Variants in CASKIN1 observed in about 807,000 individuals in gnomAD.
CASKIN1 encodes the protein CASK interacting protein 1.
Under a neutral mutation model 117.5 loss-of-function variants are expected in CASKIN1, and 42 were observed. That is an observed-to-expected ratio of 0.36 (90% CI 0.28 to 0.46). CASKIN1 has a LOEUF of 0.46. Ranked by LOEUF, CASKIN1 falls within the 20% of genes least tolerant of loss-of-function variation. The pLI, the probability that CASKIN1 is intolerant of heterozygous loss-of-function variation, is 1.00. For synonymous variants in CASKIN1, 1,148 were observed against 961.7 expected, an observed-to-expected ratio of 1.19 and a Z score of -3.59; for missense variants, 2,083 against 2,077.3, an observed-to-expected ratio of 1.00 and a Z score of -0.05.
At chr16:2,184,029 C>G in intron 14 of CASKIN1, 88 bp from the exon 15 acceptor site, 1 of 875,772 alleles carries the variant, frequency 1.1e-6, no homozygotes, top group Non-Finnish European at 1.7e-6. Flanking sequence ...GGCCGGCCAG[C>G]CGTGCAGCCA....
At chr16:2,192,097 G>C (rs960823858) in intron 1 of CASKIN1, among the ~76,000 whole-genome samples, 6 of 152,150 alleles carry the variant, frequency 3.9e-5, no homozygotes, top group Non-Finnish European at 5.9e-5. Context: ...TTCAAGACCA[G>C]CCTGGCCAAC....
Position 2,178,837 on chromosome 16 carries a change from T to G in CASKIN1, c.4199+65A>C, listed in dbSNP as rs929024775. 3.9e-6 allele frequency: 5 copies of G among 1,293,840 alleles called. No homozygotes were observed. The Admixed American group carries it at 1.5e-4, about 40-fold the overall frequency. 80.1% of individuals were successfully genotyped at this position (1,293,840 alleles called of 1,614,324 possible). On this transcript the variant is annotated intron_variant, in intron 19 of 19. Transcript: ENST00000343516. ...ATCTCTGCCGAGCCCCGCCCATCTCTGCCGAGCCCCGCCCATCTCTGCCGA... is the reference window on the plus strand; with the variant it reads ...ATCTCTGCCGAGCCCCGCCCATCTCGGCCGAGCCCCGCCCATCTCTGCCGA...
At position 2,180,750 on chromosome 16, in the gene CASKIN1, G is replaced by A. The variant is rs745478988; in HGVS notation, c.2618C>T (p.Pro873Leu). The change falls in exon 18 of 20, where the codon CCG becomes CTG. Residue 873 changes from proline to leucine, a missense_variant. This residue lies in a region of CASKIN1 where 1,818 missense variants were observed against 1,688.9 expected (regional missense o/e 1.08). Coordinates refer to ENST00000343516, the MANE Select transcript of CASKIN1 (RefSeq NM_020764.4). ...GTGGGCCCGCTTCTTGGGCCGCCCCGGCTCCGCGTCGGCCTCAGGGGGCAG... is the reference window on the plus strand; with the variant it reads ...GTGGGCCCGCTTCTTGGGCCGCCCCAGCTCCGCGTCGGCCTCAGGGGGCAG... Reference protein sequence around the residue: ...LCLPPEADAEPGRPKKRAHSL... With the variant: ...LCLPPEADAELGRPKKRAHSL... 1.8e-5 allele frequency: 26 copies of A among 1,439,334 alleles called. No individual in the cohort carries two copies. The East Asian group carries it at 3.7e-4, about 21-fold the overall frequency. 89.2% of individuals were successfully genotyped at this position (1,439,334 alleles called of 1,614,324 possible). A position where few individuals can be genotyped will look rare whatever the true frequency, so the allele number is the denominator to read the frequency against.
At chr16:2,189,775 G>C (rs575804418) in intron 3 of CASKIN1, among the ~76,000 whole-genome samples, 10 of 151,792 alleles carry the variant, frequency 6.6e-5, no homozygotes, top group Non-Finnish European at 1.5e-4. Context: ...CCAACCCTGG[G>C]AGGTGGGAAT....
intron 1 of CASKIN1, among the ~76,000 whole-genome samples, chr16:2,195,618 G>A (rs1021438978): frequency 1.3e-5 from 2 of 152,222 alleles, no homozygotes; most frequent in African/African-American, 4.8e-5. Flanking sequence ...GCTGGGGATG[G>A]CCAGTGGTGG....
intron 10 of CASKIN1, among the ~76,000 whole-genome samples, chr16:2,186,305 A>G (rs2093184298): frequency 6.6e-6 from 1 of 151,954 alleles, no homozygotes; most frequent in Non-Finnish European, 1.5e-5. Context: ...GCCACCTGGA[A>G]CCCACCTGCC....
At position 2,189,122 on chromosome 16, in the gene CASKIN1, C is replaced by G; in HGVS notation, c.522G>C (p.Ala174=). The G allele has an allele frequency of 6.2e-7, 1 of 1,613,416 alleles. No individual in the cohort carries two copies. Among genetic ancestry groups the G allele is most frequent in the Non-Finnish European group, 8.5e-7 (1 of 1,179,786 alleles). ...CTCCCGGCCGGGGCTCCAGCAGCGCCGCACACATATTGCTGCTGAGGAGCA... is the reference window on the plus strand; with the variant it reads ...CTCCCGGCCGGGGCTCCAGCAGCGCGGCACACATATTGCTGCTGAGGAGCA... ...VQLLLSSNMC[A]ALLEPRPGDA... Residue 174 remains alanine (A), a synonymous_variant, in exon 6 of 20, where the codon GCG becomes GCC. Transcript: ENST00000343516.
chr16:2,177,187 C>T lies in CASKIN1; in HGVS notation c.*1363G>A, dbSNP rs889363455. The T allele has an allele frequency of 2.4e-5, 6 of 245,140 alleles. No individual in the cohort carries two copies. Among genetic ancestry groups the T allele is most frequent in the Admixed American group, 4.9e-5 (1 of 20,314 alleles). The allele number at this position is 245,140 out of a possible 1,614,324, so 15.2% of individuals were successfully genotyped here. The stretch of plus-strand genomic sequence containing the variant: ...AAAAGTGAGCCAGGCACCTCTGTTT[C>T]CTGCTGTTTATTGACAGCCGACGGC... On this transcript the variant is annotated 3_prime_UTR_variant, in exon 20 of 20. Coordinates refer to ENST00000343516, the MANE Select transcript of CASKIN1 (RefSeq NM_020764.4).
chr16:2,178,229 G>A lies in CASKIN1; in HGVS notation c.*321C>T, dbSNP rs766987817. 23 of 434,990 alleles carry A rather than the reference G, an allele frequency of 5.3e-5. No homozygotes were observed. The highest frequency in any genetic ancestry group is 1.1e-3 in the Middle Eastern group (2 of 1,830). The allele number at this position is 434,990 out of a possible 1,614,324, so 26.9% of individuals were successfully genotyped here. ...GCCGGGCGTCCCGATGGGCAGTTCT[G>A]TGCTGGGCCCGGGCCTGTGCGCTGC... On this transcript the variant is annotated 3_prime_UTR_variant, in exon 20 of 20. Transcript: ENST00000343516.
rs1243636268 is a variant in CASKIN1 at position 2,180,473 on chromosome 16, C to T, written c.2895G>A (p.Glu965=). ...CCTCAGGCTCGGCGTCAGGCACCGG[C>T]TCATCCGCCAGGTTGGCACTAGCCA... The part of the protein sequence containing the change: ...SALASANLAD[E]PVPDAEPEDG... Residue 965 remains glutamate (E), a synonymous_variant, in exon 18 of 20, where the codon GAG becomes GAA. Coordinates refer to ENST00000343516, the MANE Select transcript of CASKIN1 (RefSeq NM_020764.4). The T allele has an allele frequency of 3.2e-6, 5 of 1,551,902 alleles. No individual in the cohort carries two copies. The Admixed American group carries it at 9.4e-5, about 29-fold the overall frequency.
At chr16:2,195,533 C>A (rs1288937137) in intron 1 of CASKIN1, among the ~76,000 whole-genome samples, 2 of 152,238 alleles carry the variant, frequency 1.3e-5, no homozygotes, top group African/African-American at 2.4e-5. Flanking sequence ...AGGGAGGCTA[C>A]GCGCTGAGCC....
At chr16:2,190,542 G>C (rs929750565) in intron 1 of CASKIN1, among the ~76,000 whole-genome samples, 184 bp from the exon 2 acceptor site, 2 of 152,218 alleles carry the variant, frequency 1.3e-5, no homozygotes, top group Admixed American at 1.3e-4. Context: ...CCTGCCCCAG[G>C]TGCCAGCTGC....
In CASKIN1 at chr16:2,179,311, G is replaced by C; in HGVS notation, c.3790C>G (p.His1264Asp). Residue 1264 changes from histidine to aspartate, a missense_variant, in exon 19 of 20, where the codon CAC (histidine) becomes GAC (aspartate). Around this residue, in one of 3 missense-constraint regions of CASKIN1, gnomAD observed 1,818 missense variants for 1,688.9 expected, o/e 1.08. Transcript: ENST00000343516. This position sits in a 1 kb window ranked among gnomAD's most constrained non-coding sequence, Gnocchi z 5.8. ...GPGSPEVKRA[H>D]GTPPPVSPKP... ...GGAGACACGGGCGGTGGCGTGCCGT[G>C]GGCGCGCTTCACCTCTGCGGGGAGG... is the stretch of plus-strand genomic sequence containing the variant. 1 of 1,235,788 alleles carries C rather than the reference G, an allele frequency of 8.1e-7. No individual in the cohort carries two copies. The highest frequency in any genetic ancestry group is 1.0e-6 in the Non-Finnish European group (1 of 991,178). The allele number at this position is 1,235,788 out of a possible 1,614,324, so 76.6% of individuals were successfully genotyped here.
At position 2,183,925 on chromosome 16, in the gene CASKIN1, C is replaced by A; in HGVS notation, c.1433G>T (p.Ser478Ile). 1 of 1,605,312 alleles carries A rather than the reference C, an allele frequency of 6.2e-7. No individual in the cohort carries two copies. The change falls in exon 15 of 20, where the codon AGC becomes ATC. Residue 478 changes from serine (S) to isoleucine (I), a missense_variant. By Grantham distance (142) the Ser-to-Ile change is moderately radical. This residue lies in a region of CASKIN1 where 1,818 missense variants were observed against 1,688.9 expected (regional missense o/e 1.08). Coordinates refer to ENST00000343516, the MANE Select transcript of CASKIN1 (RefSeq NM_020764.4). ...ASEGKSSEAVSQWLTAFQLQL... is the reference protein window; with the variant it reads ...ASEGKSSEAVIQWLTAFQLQL... ...CAGCTGGAACGCGGTGAGCCACTGG[C>A]TCACGGCCTCAGAGCTCTGGAAGAC...
At chr16:2,188,550 C>G (rs908209561) in intron 6 of CASKIN1, among the ~76,000 whole-genome samples, 2 of 150,762 alleles carry the variant, frequency 1.3e-5, no homozygotes, top group Non-Finnish European at 3.0e-5. Flanking sequence ...GGGGTCTTGA[C>G]ATGTTGCCCA....
At chr16:2,187,839 A>C (rs947355620) in intron 6 of CASKIN1, among the ~76,000 whole-genome samples, 2 of 151,934 alleles carry the variant, frequency 1.3e-5, no homozygotes, top group Non-Finnish European at 2.9e-5. Flanking sequence ...CAAGCTGGAC[A>C]CGAACTCCTC....
chr16:2,179,181 G>T lies in CASKIN1; in HGVS notation c.3920C>A (p.Pro1307Gln). The T allele has an allele frequency of 8.9e-7, 1 of 1,124,578 alleles. No homozygotes were observed. The allele number at this position is 1,124,578 out of a possible 1,614,324, so 69.7% of individuals were successfully genotyped here. A position where few individuals can be genotyped will look rare whatever the true frequency, so the allele number is the denominator to read the frequency against. Residue 1307 changes from proline to glutamine, a missense_variant, in exon 19 of 20, where the codon CCG becomes CAG. Pro to Gln is a moderately conservative substitution (Grantham distance 76). Coordinates refer to ENST00000343516, the MANE Select transcript of CASKIN1 (RefSeq NM_020764.4). This position sits in a 1 kb window ranked among gnomAD's most constrained non-coding sequence, Gnocchi z 5.8. ...GGGCGGCTTGGCGAGGGCGGCGGGC[G>T]GCTGTCGCGCGGGCGAGGGTGCGGG... Reference protein sequence around the residue: ...PSPAPSPARQPPAALAKPPGT... With the variant: ...PSPAPSPARQQPAALAKPPGT...
rs199978114 is a variant in CASKIN1 at position 2,179,641 on chromosome 16, G to A, written c.3727C>T (p.Pro1243Ser). Reference sequence around the variant, plus strand: ...GGCACCTTCTTGGAGGTGGGTGTGGGCGAGCCCTGGAGCTTGGGCACAGGC... The same window carrying A: ...GGCACCTTCTTGGAGGTGGGTGTGGACGAGCCCTGGAGCTTGGGCACAGGC... Reference protein sequence around the residue: ...TQPVPKLQGSPTPTSKKVPLP... With the variant: ...TQPVPKLQGSSTPTSKKVPLP... The change falls in exon 18 of 20, where the codon CCC becomes TCC. Residue 1243 changes from proline to serine, a missense_variant. Pro to Ser is a moderately conservative substitution (Grantham distance 74, BLOSUM62 -1). This residue lies in a region of CASKIN1 where 1,818 missense variants were observed against 1,688.9 expected (regional missense o/e 1.08). Coordinates refer to ENST00000343516, the MANE Select transcript of CASKIN1 (RefSeq NM_020764.4). The surrounding 1 kb of genome is among the most constrained non-coding windows in gnomAD (Gnocchi z 5.8). 7.6e-4 allele frequency: 1,126 copies of A among 1,489,294 alleles called. 1 individual carries two copies. Among genetic ancestry groups the A allele is most frequent in the Non-Finnish European group, 9.2e-4 (1,040 of 1,125,946 alleles). The allele number at this position is 1,489,294 out of a possible 1,614,324, so 92.3% of individuals were successfully genotyped here.
chr16:2,187,561 C>T, intron 6 of CASKIN1, 100 bp from the exon 7 acceptor site: 2 of 930,022 alleles, frequency 2.2e-6, no homozygotes, highest in Non-Finnish European at 3.3e-6. Flanking sequence ...CAGCAGTCAG[C>T]TTGGGGGCTG....
Sources: allele counts gnomAD v4.1 joint callset (sites outside exome capture counted in the v4.1 genomes callset), GRCh38; gene constraint gnomAD v4.1.1; regional missense constraint gnomAD v4.1.1; non-coding constraint Gnocchi (gnomAD v3.1); transcripts MANE v1.5; gene names NCBI Gene and HGNC (gene_info 2026-07-23, HGNC 2026-07-21).